The following ITPR1 variants were observed in gnomAD, a reference collection of about 807,000 sequenced individuals.
The protein encoded by ITPR1 is inositol 1,4,5-trisphosphate-gated calcium channel ITPR1.
Under a neutral mutation model 318.4 loss-of-function variants are expected in ITPR1, and 96 were observed. The observed-to-expected ratio is 0.30, with a 90% CI of 0.26 to 0.36. The LOEUF is 0.36. ITPR1 is among the 10% of genes least tolerant of loss of function. The pLI is 1.00. For missense variants in ITPR1, 2,440 were observed against 3,460.2 expected (o/e 0.71, Z 7.40); for synonymous variants, 1,312 against 1,289.9 (o/e 1.02, Z -0.37).
Position 4,836,871 on chromosome 3 carries a change from A to G in ITPR1, c.8126A>G (p.Lys2709Arg). ...EQNELRNLQE[K>R]LESTMKLVTN... ...AATGAGCTGAGAAACCTGCAGGAGAAGCTGGAGTCCACCATGAAACTTGTC... is the reference window on the plus strand; with the variant it reads ...AATGAGCTGAGAAACCTGCAGGAGAGGCTGGAGTCCACCATGAAACTTGTC... The change falls in exon 61 of 62, where the codon AAG (lysine) becomes AGG (arginine). Residue 2709 changes from lysine to arginine, a missense_variant. Coordinates refer to ENST00000649015, the MANE Select transcript of ITPR1 (RefSeq NM_001378452.1). The G allele has an allele frequency of 6.3e-7, 1 of 1,597,406 alleles. No homozygotes were observed. Among genetic ancestry groups the G allele is most frequent in the South Asian group, 1.1e-5 (1 of 89,096 alleles).
chr3:4,586,803 T>A (rs930026421), intron 4 of ITPR1, among the ~76,000 whole-genome samples: 7 of 152,008 alleles, frequency 4.6e-5, no homozygotes, highest in Non-Finnish European at 2.9e-5. Flanking sequence ...CATATTGGTT[T>A]GTTTGGTGAT....
intron 4 of ITPR1, among the ~76,000 whole-genome samples, chr3:4,593,595 T>G (rs1179418855): frequency 1.3e-5 from 2 of 152,182 alleles, no homozygotes; most frequent in African/African-American, 4.8e-5. Flanking sequence ...ATATGTGAAG[T>G]TCAGATGCTA....
intron 44 of ITPR1, among the ~76,000 whole-genome samples, chr3:4,766,015 C>T (rs1015308639): frequency 6.6e-6 from 1 of 152,202 alleles, no homozygotes; most frequent in East Asian, 1.9e-4. Flanking sequence ...TACCTGAGTA[C>T]TTTTTACTTA....
chr3:4,538,771 C>G (rs2084117133), intron 4 of ITPR1, among the ~76,000 whole-genome samples: 1 of 152,026 alleles, frequency 6.6e-6, no homozygotes, highest in Non-Finnish European at 1.5e-5. Flanking sequence ...CAAACTAATT[C>G]AAGAACAGAA....
intron 3 of ITPR1, among the ~76,000 whole-genome samples, chr3:4,520,101 A>G (rs903476422): frequency 3.9e-5 from 6 of 152,186 alleles, no homozygotes; most frequent in African/African-American, 1.4e-4. Context: ...TGAATGGAGG[A>G]ACCCTGGAAA....
intron 55 of ITPR1, among the ~76,000 whole-genome samples, chr3:4,807,648 G>A (rs1310624372): frequency 6.6e-6 from 1 of 152,166 alleles, no homozygotes; most frequent in African/African-American, 2.4e-5. Flanking sequence ...ATACCATTAG[G>A]GGTGGATTTT....
At chr3:4,636,080 G>T (rs182831651) in intron 5 of ITPR1, among the ~76,000 whole-genome samples, 1 of 151,258 alleles carries the variant, frequency 6.6e-6, no homozygotes, top group South Asian at 2.1e-4. Flanking sequence ...GGCTGGTCTC[G>T]AACTCCCGAC....
At chr3:4,602,030 G>A (rs752770105) in intron 4 of ITPR1, among the ~76,000 whole-genome samples, 2 of 152,174 alleles carry the variant, frequency 1.3e-5, no homozygotes, top group Non-Finnish European at 2.9e-5. Context: ...TAAAAAAGAT[G>A]TACAATAATA....
intron 4 of ITPR1, among the ~76,000 whole-genome samples, chr3:4,561,244 GA>G (rs1449575256): frequency 6.6e-6 from 1 of 152,192 alleles, no homozygotes; most frequent in Non-Finnish European, 1.5e-5. Flanking sequence ...TGACGAGAGT[GA>G]AATTCTATCT....
Position 4,836,759 on chromosome 3 carries a change from T to A in ITPR1, c.8029-15T>A, listed in dbSNP as rs78149108. The A allele has an allele frequency of 7.9e-6, 10 of 1,272,330 alleles. No individual in the cohort carries two copies. In the East Asian group the frequency reaches 1.2e-4, roughly 15 times the overall value. The allele number at this position is 1,272,330 out of a possible 1,614,324, so 78.8% of individuals were successfully genotyped here. On this transcript the variant is annotated splice_polypyrimidine_tract_variant and intron_variant, in intron 60 of 61. Transcript: ENST00000649015. ...TCTTTTTTTTTTTTTTTTTTTTTTT[T>A]AATGTGGATTCTAGGAAAGAAACCT... is the stretch of plus-strand genomic sequence containing the variant.
At chr3:4,547,509 G>A (rs1380764408) in intron 4 of ITPR1, among the ~76,000 whole-genome samples, 1 of 152,160 alleles carries the variant, frequency 6.6e-6, no homozygotes, top group Non-Finnish European at 1.5e-5. Flanking sequence ...GGCTTCAAAG[G>A]ACTTTAGCAC....
At chr3:4,685,287 AT>A in intron 30 of ITPR1, 81 bp downstream of exon 30, 2 of 1,364,088 alleles carry the variant, frequency 1.5e-6, no homozygotes. Flanking sequence ...ACATCTGGAT[AT>A]TGTTAGTGAA....
intron 61 of ITPR1, among the ~76,000 whole-genome samples, chr3:4,842,611 G>T (rs2051434948): frequency 6.6e-6 from 1 of 152,126 alleles, no homozygotes; most frequent in African/African-American, 2.4e-5. Flanking sequence ...CAAGTGATCT[G>T]CCTCCCAAAG....
At chr3:4,674,146 G>A in intron 21 of ITPR1, 56 bp from the exon 22 acceptor site, 1 of 1,442,540 alleles carries the variant, frequency 6.9e-7, no homozygotes, top group Non-Finnish European at 9.4e-7. Context: ...GACCCAGGAA[G>A]ACCTCTCTGG....
At chr3:4,800,259 A>G (rs1371620068) in intron 53 of ITPR1, 166 bp from the exon 54 acceptor site, 4 of 598,008 alleles carry the variant, frequency 6.7e-6, no homozygotes, top group Non-Finnish European at 1.1e-5. Context: ...AGGTCAAAAA[A>G]TGCTGATGGG....
At chr3:4,772,392 A>T (rs1195295978) in intron 46 of ITPR1, among the ~76,000 whole-genome samples, 2 of 152,230 alleles carry the variant, frequency 1.3e-5, no homozygotes, top group Non-Finnish European at 2.9e-5. Flanking sequence ...TCCTGTTGGT[A>T]AATGTTCAGA....
Position 4,747,078 on chromosome 3 carries a change from G to A in ITPR1, c.5544+11724G>A, listed in dbSNP as rs550077154. On this transcript the variant is annotated intron_variant, in intron 44 of 61. Coordinates refer to ENST00000649015, the MANE Select transcript of ITPR1 (RefSeq NM_001378452.1). ...ATTTTAAAGGGGACCTTCTTTAGGT[G>A]TGGGAGGGAATTGATCTGAGCCCAT... 5.9e-5 allele frequency among the ~76,000 whole-genome samples: 9 copies of A among 152,332 alleles called. No individual in the cohort carries two copies. In the South Asian group the frequency reaches 1.7e-3, roughly 28 times the overall value.
At chr3:4,735,599 AG>A in intron 44 of ITPR1, 3 of 499,286 alleles carry the variant, frequency 6.0e-6, no homozygotes, top group Non-Finnish European at 7.2e-6. Context: ...GAATACGCAA[AG>A]GAAACTGGCC....
At chr3:4,745,559 A>G (rs2044042717) in intron 44 of ITPR1, among the ~76,000 whole-genome samples, 1 of 152,204 alleles carries the variant, frequency 6.6e-6, no homozygotes. Flanking sequence ...TTCTCAGGGC[A>G]TATACGGTTG....
Sources: allele counts gnomAD v4.1 joint callset (sites outside exome capture counted in the v4.1 genomes callset), GRCh38; gene constraint gnomAD v4.1.1; transcripts MANE v1.5; gene names NCBI Gene and HGNC (gene_info 2026-07-23, HGNC 2026-07-21).